Variants in ADAM22 observed in about 807,000 individuals in gnomAD.
ADAM22 encodes disintegrin and metalloproteinase domain-containing protein 22.
A neutral mutation model predicts 144.6 loss-of-function variants in ADAM22; 65 were observed. The observed-to-expected ratio is 0.45, with a 90% confidence interval of 0.37 to 0.55. The LOEUF is 0.55. Among genes scored for constraint, ADAM22 ranks in the 20% least tolerant of loss-of-function variants. The pLI, the probability that ADAM22 is intolerant of heterozygous loss-of-function variation, is 0.00. For missense variants in ADAM22, 974 were observed against 1,184.9 expected (o/e 0.82, Z 2.61); for synonymous variants, 391 against 412.6 (o/e 0.95, Z 0.63).
In ADAM22 at chr7:88,042,252, C is replaced by G. The variant is rs187725209; in HGVS notation, c.324-33374C>G. Among the ~76,000 whole-genome samples, 763 of 152,072 alleles carry G rather than the reference C, an allele frequency of 5.0e-3. 8 individuals are homozygous for G. Among genetic ancestry groups the G allele is most frequent in the African/African-American group, 0.018 (735 of 41,532 alleles). On this transcript the variant is annotated intron_variant, in intron 3 of 31. Transcript: ENST00000413139. ...CCATAAGAAAGATTCAAGTTTACTT[C>G]CATTTTGCAGAGGGTTTGAAAATTT...
At chr7:88,032,357 G>T (rs1310230539) in intron 3 of ADAM22, among the ~76,000 whole-genome samples, 1 of 152,234 alleles carries the variant, frequency 6.6e-6, no homozygotes, top group Non-Finnish European at 1.5e-5. Context: ...TTAAATGATT[G>T]CCCTGCTGGG....
intron 4 of ADAM22, among the ~76,000 whole-genome samples, chr7:88,103,310 A>T (rs1823457426): frequency 6.6e-6 from 1 of 152,074 alleles, no homozygotes; most frequent in African/African-American, 2.4e-5. Flanking sequence ...TTGTGTTATC[A>T]TCTTGTCATA....
At chr7:88,050,234 A>C (rs1466185124) in intron 3 of ADAM22, among the ~76,000 whole-genome samples, 10 of 150,328 alleles carry the variant, frequency 6.7e-5, no homozygotes, top group East Asian at 3.9e-4. Context: ...AAAAAAAAAA[A>C]AAAAAAAAAA....
intron 3 of ADAM22, among the ~76,000 whole-genome samples, chr7:88,048,836 C>A (rs2129473581): frequency 6.6e-6 from 1 of 152,150 alleles, no homozygotes; most frequent in Admixed American, 6.5e-5. Context: ...CAGATAATTC[C>A]CTTTTCTCTC....
At chr7:88,055,870 C>G (rs1254335886) in intron 3 of ADAM22, among the ~76,000 whole-genome samples, 1 of 152,160 alleles carries the variant, frequency 6.6e-6, no homozygotes, top group Non-Finnish European at 1.5e-5. Context: ...GGCTATCTCT[C>G]CTTGAACTGT....
chr7:88,003,496 T>TC (rs1348404874), intron 3 of ADAM22, among the ~76,000 whole-genome samples: 1 of 152,134 alleles, frequency 6.6e-6, no homozygotes, highest in Admixed American at 6.6e-5. Flanking sequence ...ATTTAGGTTC[T>TC]CCCCCCAAAT....
At chr7:88,073,584 C>G (rs923117095) in intron 3 of ADAM22, among the ~76,000 whole-genome samples, 2 of 152,192 alleles carry the variant, frequency 1.3e-5, no homozygotes, top group African/African-American at 4.8e-5. Context: ...TTCCAATCCT[C>G]AAATCACGTA....
intron 3 of ADAM22, among the ~76,000 whole-genome samples, chr7:88,028,366 T>C (rs1799494417): frequency 1.3e-5 from 2 of 152,188 alleles, no homozygotes; most frequent in Non-Finnish European, 2.9e-5. Context: ...TTTCATTTTT[T>C]TGAATGTTTT....
intron 23 of ADAM22, 36 bp downstream of exon 23, chr7:88,163,216 T>TCACC: frequency 6.6e-7 from 1 of 1,525,170 alleles, no homozygotes; most frequent in Non-Finnish European, 8.8e-7. Context: ...TCTATTTCTT[T>TCACC]TATATCACAG....
intron 3 of ADAM22, among the ~76,000 whole-genome samples, chr7:88,018,983 G>T (rs533683385): frequency 1.7e-4 from 26 of 151,948 alleles, no homozygotes; most frequent in African/African-American, 6.3e-4. Context: ...AAAAGTTTTA[G>T]TATAACGTAA....
intron 3 of ADAM22, among the ~76,000 whole-genome samples, chr7:87,995,275 T>C (rs1403651489): frequency 6.6e-6 from 1 of 152,210 alleles, no homozygotes; most frequent in Admixed American, 6.5e-5. Context: ...TGCTGGGCAG[T>C]GTCTAGAAGG....
chr7:87,967,773 A>G (rs1170019673), intron 2 of ADAM22, among the ~76,000 whole-genome samples: 1 of 134,132 alleles, frequency 7.5e-6, no homozygotes, highest in African/African-American at 2.8e-5. Flanking sequence ...GCACCACTGC[A>G]CTCCAGCCTG....
intron 2 of ADAM22, among the ~76,000 whole-genome samples, chr7:87,966,721 GTTTTTTTTTTTTTTTT>G (rs71120012): frequency 1.8e-4 from 7 of 39,882 alleles, no homozygotes; most frequent in Admixed American, 5.0e-4. Flanking sequence ...AAGGAAAGCC[GTTTTTTTTTTTTTTTT>G]TTTTTTTTTT....
At chr7:88,032,118 C>T (rs1170095460) in intron 3 of ADAM22, among the ~76,000 whole-genome samples, 2 of 152,202 alleles carry the variant, frequency 1.3e-5, no homozygotes, top group Non-Finnish European at 1.5e-5. Context: ...CATTGGGGCA[C>T]TCCTGGTGGA....
At chr7:87,982,701 T>TATATATAA (rs1554373733) in intron 3 of ADAM22, among the ~76,000 whole-genome samples, 2,046 of 33,326 alleles carry the variant, frequency 0.061, 108 homozygotes, top group Non-Finnish European at 0.086. Flanking sequence ...ATATATATAA[T>TATATATAA]TTTTTTTTTT....
chr7:88,091,854 T>C (rs554611262), intron 4 of ADAM22, among the ~76,000 whole-genome samples: 18 of 152,196 alleles, frequency 1.2e-4, no homozygotes, highest in Non-Finnish European at 2.4e-4. Context: ...GTTGTTTTAA[T>C]AGGCCAGAAT....
At chr7:88,069,091 C>A (rs1307873653) in intron 3 of ADAM22, among the ~76,000 whole-genome samples, 1 of 151,766 alleles carries the variant, frequency 6.6e-6, no homozygotes, top group Non-Finnish European at 1.5e-5. Context: ...TCTGTGTGTG[C>A]TCTCCCCCTC....
chr7:88,086,729 C>T (rs999582473), intron 4 of ADAM22, among the ~76,000 whole-genome samples: 2 of 152,140 alleles, frequency 1.3e-5, no homozygotes, highest in Non-Finnish European at 2.9e-5. Flanking sequence ...GGAGAACCAT[C>T]GTTCTGGATT....
intron 3 of ADAM22, among the ~76,000 whole-genome samples, chr7:87,998,125 T>C (rs548839596): frequency 8.9e-4 from 135 of 152,264 alleles, no homozygotes; most frequent in African/African-American, 3.1e-3. Context: ...CCGGAAGACT[T>C]AGCCAGTCTA....
Sources: allele counts gnomAD v4.1 joint callset (sites outside exome capture counted in the v4.1 genomes callset), GRCh38; gene constraint gnomAD v4.1.1; transcripts MANE v1.5; gene names NCBI Gene and HGNC (gene_info 2026-07-23, HGNC 2026-07-21).